Variants in NAALADL2 observed in about 807,000 individuals in gnomAD.
The protein encoded by NAALADL2 is N-acetylated alpha-linked acidic dipeptidase like 2, also known as inactive N-acetylated-alpha-linked acidic dipeptidase-like protein 2.
In NAALADL2, 76 loss-of-function variants were observed where a neutral mutation model predicts 87.2. That is an observed-to-expected ratio of 0.87 (90% confidence interval 0.72 to 1.05). The LOEUF (loss-of-function observed/expected upper bound fraction) is 1.05. NAALADL2 is among the 50% of genes least tolerant of loss of function. The probability of loss-of-function intolerance (pLI) is 0.00; values close to 1 mark genes in which losing one functional copy is unlikely to be tolerated. For missense variants in NAALADL2, 1,089 were observed against 945.8 expected, an observed-to-expected ratio of 1.15 and a Z score of -1.99; for synonymous variants, 354 against 331.0, an observed-to-expected ratio of 1.07 and a Z score of -0.75.
At position 175,107,209 on chromosome 3, in the gene NAALADL2, C is replaced by A. The variant is rs753711562; in HGVS notation, c.545+9918C>A. Reference sequence around the variant, plus strand: ...ATTATTTTAGATGTTTCTGTGAAGGCATTTTTAAGATGAGATTGAGATATA... The same window carrying A: ...ATTATTTTAGATGTTTCTGTGAAGGAATTTTTAAGATGAGATTGAGATATA... On this transcript the variant is annotated intron_variant, in intron 2 of 13. Transcript: ENST00000454872. Among the ~76,000 whole-genome samples, 18 of 152,084 alleles carry A rather than the reference C, an allele frequency of 1.2e-4. No homozygotes were observed. The Middle Eastern group carries it at 0.014, about 115-fold the overall frequency.
chr3:175,323,560 A>T (rs1228992413), intron 4 of NAALADL2, among the ~76,000 whole-genome samples: 1 of 151,976 alleles, frequency 6.6e-6, no homozygotes, highest in Non-Finnish European at 1.5e-5. Context: ...GTTAAAATCC[A>T]CTTAGTTAAA....
chr3:175,026,512 A>G (rs992937296), intron 1 of NAALADL2, among the ~76,000 whole-genome samples: 4 of 147,498 alleles, frequency 2.7e-5, no homozygotes, highest in Non-Finnish European at 4.5e-5. Context: ...AAAATTAGCC[A>G]TACGTGGTGG....
rs186591655 is a variant in NAALADL2 at position 175,700,350 on chromosome 3, A to G, written c.1897-36956A>G. ...AAAAGCTTAGGAAACTTTTTTGTCC[A>G]TGAATAAGATATAAGATGATAAAAC... is the stretch of plus-strand genomic sequence containing the variant. On this transcript the variant is annotated intron_variant, in intron 11 of 13. Transcript: ENST00000454872. Among the ~76,000 whole-genome samples, 450 of 152,264 alleles carry G rather than the reference A, an allele frequency of 3.0e-3. 2 individuals are homozygous for G. Among genetic ancestry groups the G allele is most frequent in the African/African-American group, 0.01 (435 of 41,564 alleles).
chr3:175,271,435 A>G (rs759246063), intron 4 of NAALADL2, among the ~76,000 whole-genome samples: 56 of 152,220 alleles, frequency 3.7e-4, no homozygotes, highest in East Asian at 7.7e-4. Flanking sequence ...CATGCACATG[A>G]AAGAGTATTT....
At chr3:175,645,958 G>GATTA (rs1729950591) in intron 11 of NAALADL2, among the ~76,000 whole-genome samples, 1 of 152,018 alleles carries the variant, frequency 6.6e-6, no homozygotes, top group Non-Finnish European at 1.5e-5. Flanking sequence ...TTGGTTCAGT[G>GATTA]GTCTGACAGT....
At chr3:174,504,245 A>C (rs928688692) in intron 1 of NAALADL2, among the ~76,000 whole-genome samples, 4 of 152,154 alleles carry the variant, frequency 2.6e-5, no homozygotes, top group African/African-American at 4.8e-5. Context: ...ATAATATATA[A>C]ATTTTTAGAG....
intron 1 of NAALADL2, among the ~76,000 whole-genome samples, chr3:174,526,467 T>C (rs949116379): frequency 4.6e-5 from 7 of 152,180 alleles, no homozygotes; most frequent in African/African-American, 7.2e-5. Flanking sequence ...GACTAGTAAA[T>C]AGTTAAATAA....
chr3:175,468,236 A>T (rs939338715), intron 8 of NAALADL2, among the ~76,000 whole-genome samples: 14 of 152,238 alleles, frequency 9.2e-5, no homozygotes, highest in African/African-American at 3.1e-4. Context: ...ATTCATCAAG[A>T]TTCACACACT....
intron 13 of NAALADL2, among the ~76,000 whole-genome samples, chr3:175,763,841 C>A (rs1177714142): frequency 6.6e-6 from 1 of 152,090 alleles, no homozygotes; most frequent in Admixed American, 6.6e-5. Context: ...AACACACACA[C>A]ACAAAGACAC....
At chr3:174,594,758 T>C (rs1266659692) in intron 2 of NAALADL2, among the ~76,000 whole-genome samples, 2 of 152,212 alleles carry the variant, frequency 1.3e-5, no homozygotes, top group African/African-American at 2.4e-5. Flanking sequence ...CATAGAAATA[T>C]ATGTTTTAAC....
In NAALADL2 at chr3:175,205,629, C is replaced by A. The variant is rs148594316; in HGVS notation, c.546-28302C>A. Among the ~76,000 whole-genome samples the A allele has an allele frequency of 2.3e-3, 354 of 152,124 alleles. 1 individual carries two copies. Among genetic ancestry groups the A allele is most frequent in the African/African-American group, 8.3e-3 (343 of 41,510 alleles). Reference sequence around the variant, plus strand: ...ATTAAACTAAAGAGCTTTTGCATGACAAAAGCAACAGTCTGAAGGTTAAAC... The same window carrying A: ...ATTAAACTAAAGAGCTTTTGCATGAAAAAAGCAACAGTCTGAAGGTTAAAC... On this transcript the variant is annotated intron_variant, in intron 2 of 13. Coordinates refer to ENST00000454872, the MANE Select transcript of NAALADL2 (RefSeq NM_207015.3).
At chr3:175,195,039 CT>C (rs1738765549) in intron 2 of NAALADL2, among the ~76,000 whole-genome samples, 1 of 151,654 alleles carries the variant, frequency 6.6e-6, no homozygotes, top group African/African-American at 2.4e-5. Flanking sequence ...CTCTCTCTCT[CT>C]CTCTCCCTCC....
intron 9 of NAALADL2, among the ~76,000 whole-genome samples, chr3:175,504,565 TTCTCTCTCTCTCTCTCTCTCTCTC>T (rs200985901): frequency 0.01 from 1,396 of 134,430 alleles, 25 homozygotes; most frequent in African/African-American, 0.03. Flanking sequence ...CTCTCTCTGT[TTCTCTCTCTCTCTCTCTCTCTCTC>T]TCTCTCTCTC....
At chr3:175,657,828 A>T (rs537900763) in intron 11 of NAALADL2, among the ~76,000 whole-genome samples, 1 of 152,068 alleles carries the variant, frequency 6.6e-6, no homozygotes, top group Admixed American at 6.5e-5. Context: ...CGCCCGTCTC[A>T]GCCTCCCAAA....
chr3:174,738,821 G>A (rs1050708145), intron 3 of NAALADL2, among the ~76,000 whole-genome samples: 5 of 152,018 alleles, frequency 3.3e-5, no homozygotes, highest in Non-Finnish European at 5.9e-5. Flanking sequence ...TTTTTGGTTT[G>A]CATTTCTTTG....
chr3:175,048,476 T>G (rs534101043), intron 1 of NAALADL2, among the ~76,000 whole-genome samples: 1 of 151,920 alleles, frequency 6.6e-6, no homozygotes, highest in South Asian at 2.1e-4. Context: ...TTTGAAGCCA[T>G]CATTGAAAGT....
intron 10 of NAALADL2, among the ~76,000 whole-genome samples, chr3:175,599,934 G>A (rs1722732491): frequency 6.6e-6 from 1 of 151,826 alleles, no homozygotes; most frequent in Non-Finnish European, 1.5e-5. Flanking sequence ...CAAATCTTAG[G>A]CCCATATCAG....
At chr3:175,314,159 ACTGCCGTGTC>A (rs746273986) in intron 4 of NAALADL2, among the ~76,000 whole-genome samples, 6 of 151,198 alleles carry the variant, frequency 4.0e-5, no homozygotes. Context: ...ATAAAATGTT[ACTGCCGTGTC>A]CTGCCCATAT....
intron 1 of NAALADL2, among the ~76,000 whole-genome samples, chr3:174,937,155 G>A (rs749037496): frequency 6.6e-6 from 1 of 151,988 alleles, no homozygotes; most frequent in African/African-American, 2.4e-5. Context: ...CACTTTTAAT[G>A]TCTGTACCAG....
Sources: allele counts gnomAD v4.1 joint callset (sites outside exome capture counted in the v4.1 genomes callset), GRCh38; gene constraint gnomAD v4.1.1; transcripts MANE v1.5; gene names NCBI Gene and HGNC (gene_info 2026-07-23, HGNC 2026-07-21).